FHOD3: variants seen among roughly 807,000 people sequenced by gnomAD.
FHOD3 encodes formin homology 2 domain containing 3.
Under a neutral mutation model 173.0 loss-of-function variants are expected in FHOD3, and 90 were observed. The ratio of observed to expected loss-of-function variants is 0.52; its 90% CI spans 0.44 to 0.62. FHOD3 has a LOEUF of 0.62. FHOD3 is among the 20% of genes least tolerant of loss of function. The probability of loss-of-function intolerance (pLI) is 0.00; values close to 1 mark genes in which losing one functional copy is unlikely to be tolerated. For synonymous variants in FHOD3, 828 were observed against 823.0 expected (o/e 1.01, Z -0.10); for missense variants, 1,945 against 2,034.7 (o/e 0.96, Z 0.85).
At chr18:36,313,714 G>T (rs1263564406) in intron 1 of FHOD3, among the ~76,000 whole-genome samples, 1 of 152,136 alleles carries the variant, frequency 6.6e-6, no homozygotes, top group East Asian at 1.9e-4. Context: ...TGGTGATTAT[G>T]AATAAAGCTG....
chr18:36,779,229 G>T (rs1430802221), intron 28 of FHOD3: 6 of 567,428 alleles, frequency 1.1e-5, no homozygotes, highest in Non-Finnish European at 1.9e-5. Flanking sequence ...AGCACCTGTG[G>T]CATTGTTAGG....
chr18:36,339,393 A>G (rs1380338507), intron 1 of FHOD3, among the ~76,000 whole-genome samples: 1 of 152,190 alleles, frequency 6.6e-6, no homozygotes, highest in African/African-American at 2.4e-5. Context: ...GACCGACTCC[A>G]TGGGTGTGTA....
At chr18:36,373,420 A>G (rs2047286572) in intron 3 of FHOD3, among the ~76,000 whole-genome samples, 1 of 146,278 alleles carries the variant, frequency 6.8e-6, no homozygotes. Flanking sequence ...AGCGTAGATC[A>G]TCCTGTTGAG....
intron 5 of FHOD3, among the ~76,000 whole-genome samples, chr18:36,536,666 T>A (rs2057007949): frequency 6.6e-6 from 1 of 152,096 alleles, no homozygotes; most frequent in Non-Finnish European, 1.5e-5. Flanking sequence ...CTGAACAGCA[T>A]CTGGTTAGGA....
rs549877906 is a variant in FHOD3 at position 36,523,446 on chromosome 18, T to A, written c.511+10903T>A. On this transcript the variant is annotated intron_variant, in intron 5 of 28. Coordinates refer to ENST00000590592, the MANE Select transcript of FHOD3 (RefSeq NM_001281740.3). ...GATCAGTGGTGCCTTTCTGGAGCAG[T>A]CTGCTGAGGATTCTGAGGCCACATC... Among the ~76,000 whole-genome samples the A allele has an allele frequency of 1.1e-4, 16 of 152,350 alleles. No individual in the cohort carries two copies. In the South Asian group the frequency reaches 3.3e-3, roughly 32 times the overall value.
At chr18:36,371,519 C>T (rs2146075494) in intron 2 of FHOD3, among the ~76,000 whole-genome samples, 1 of 152,252 alleles carries the variant, frequency 6.6e-6, no homozygotes, top group Middle Eastern at 3.4e-3. Context: ...GATTCAGTTA[C>T]CTCCCATGAC....
At chr18:36,558,163 T>C (rs987956604) in intron 5 of FHOD3, among the ~76,000 whole-genome samples, 3 of 152,180 alleles carry the variant, frequency 2.0e-5, no homozygotes, top group African/African-American at 7.2e-5. Flanking sequence ...GCTCTTTTTT[T>C]CTAGGTGGCT....
chr18:36,575,346 T>C (rs897806019), intron 5 of FHOD3, among the ~76,000 whole-genome samples: 4 of 152,244 alleles, frequency 2.6e-5, no homozygotes, highest in African/African-American at 9.6e-5. Context: ...TTTGCATACT[T>C]AGAATTTGTG....
chr18:36,717,157 G>A (rs1183087332), intron 18 of FHOD3, among the ~76,000 whole-genome samples: 1 of 152,086 alleles, frequency 6.6e-6, no homozygotes, highest in Non-Finnish European at 1.5e-5. Context: ...GGCTCTGGAA[G>A]ATGCCTTCTG....
At chr18:36,597,647 C>T (rs961290197) in intron 7 of FHOD3, among the ~76,000 whole-genome samples, 1 of 152,154 alleles carries the variant, frequency 6.6e-6, no homozygotes, top group Non-Finnish European at 1.5e-5. Context: ...AGGATAGTCT[C>T]AATCTCCTGA....
Position 36,718,217 on chromosome 18 carries a change from GAC to G in FHOD3, c.2921_2922del (p.Thr974ArgfsTer3). 6.2e-7 allele frequency: 1 copy of G among 1,614,158 alleles called. No individual in the cohort carries two copies. Among genetic ancestry groups the G allele is most frequent in the Non-Finnish European group, 8.5e-7 (1 of 1,180,014 alleles). The stretch of plus-strand genomic sequence containing the variant: ...CAGAAACAGCGCCGGTGCAGCCGAA[GAC>G]AGAGTCTGATTACATCTGGGACCAG... ...VPETAPVQPKTESDYIWDQLM... is the reference protein window; with the variant it reads ...VPETAPVQPKXESDYIWDQLM... On this transcript the variant is annotated frameshift_variant, in exon 19 of 29. Coordinates refer to ENST00000590592, the MANE Select transcript of FHOD3 (RefSeq NM_001281740.3). LOFTEE classifies it high-confidence loss of function.
intron 1 of FHOD3, among the ~76,000 whole-genome samples, chr18:36,344,458 A>T (rs557510538): frequency 6.6e-6 from 1 of 152,184 alleles, no homozygotes; most frequent in Non-Finnish European, 1.5e-5. Context: ...TGTCCTTAAC[A>T]TTGTCTGAGA....
chr18:36,358,728 T>G (rs1351134984), intron 2 of FHOD3, among the ~76,000 whole-genome samples: 1 of 152,120 alleles, frequency 6.6e-6, no homozygotes, highest in Non-Finnish European at 1.5e-5. Context: ...CAGGCTGGAG[T>G]GCAGTGGTGC....
At chr18:36,567,426 T>G (rs1405984555) in intron 5 of FHOD3, among the ~76,000 whole-genome samples, 1 of 152,198 alleles carries the variant, frequency 6.6e-6, no homozygotes, top group Non-Finnish European at 1.5e-5. Flanking sequence ...CGCTGTTAGA[T>G]TTCTTATTGT....
intron 1 of FHOD3, among the ~76,000 whole-genome samples, chr18:36,298,717 G>A (rs912224658): frequency 6.6e-6 from 1 of 151,998 alleles, no homozygotes; most frequent in African/African-American, 2.4e-5. Flanking sequence ...CGAAATGAGT[G>A]TCCCCTGGGA....
chr18:36,448,793 C>A (rs1459616849), intron 3 of FHOD3, among the ~76,000 whole-genome samples: 1 of 152,146 alleles, frequency 6.6e-6, no homozygotes, highest in Non-Finnish European at 1.5e-5. Context: ...GGGGGGCCAC[C>A]CACAGCTGGT....
chr18:36,777,483 G>C (rs1834663), intron 28 of FHOD3, among the ~76,000 whole-genome samples: 1 of 152,150 alleles, frequency 6.6e-6, no homozygotes. Flanking sequence ...GTGAGCCACT[G>C]TGCCCGGCCA....
At chr18:36,408,074 C>T (rs758082474) in intron 3 of FHOD3, among the ~76,000 whole-genome samples, 5 of 152,156 alleles carry the variant, frequency 3.3e-5, no homozygotes, top group East Asian at 1.9e-4. Flanking sequence ...CCCCTGAGAC[C>T]GCCTTCCAGA....
intron 6 of FHOD3, among the ~76,000 whole-genome samples, chr18:36,584,278 C>T (rs903470612): frequency 3.3e-5 from 5 of 152,174 alleles, no homozygotes; most frequent in Non-Finnish European, 7.3e-5. Context: ...CCTGCAACCC[C>T]AGGTATATGA....
Sources: allele counts gnomAD v4.1 joint callset (sites outside exome capture counted in the v4.1 genomes callset), GRCh38; gene constraint gnomAD v4.1.1; transcripts MANE v1.5; gene names NCBI Gene and HGNC (gene_info 2026-07-23, HGNC 2026-07-21).